Variants in MDGA2 observed in about 807,000 individuals in gnomAD.
The protein encoded by MDGA2 is MAM domain containing glycosylphosphatidylinositol anchor 2.
A neutral mutation model predicts 117.8 loss-of-function variants in MDGA2; 40 were observed. The observed-to-expected ratio is 0.34, with a 90% confidence interval of 0.26 to 0.44. MDGA2 has a LOEUF of 0.44. MDGA2 is among the 20% of genes least tolerant of loss of function. The pLI is 1.00. For synonymous variants in MDGA2, 452 were observed against 439.0 expected (o/e 1.03, Z -0.37); for missense variants, 1,123 against 1,250.6 (o/e 0.90, Z 1.54).
intron 9 of MDGA2, among the ~76,000 whole-genome samples, chr14:46,950,084 CATT>C (rs1236270163): frequency 2.0e-5 from 3 of 151,658 alleles, no homozygotes; most frequent in African/African-American, 4.8e-5. Context: ...ATAAATTCCT[CATT>C]ATATGTTTAC....
chr14:47,460,878 A>G (rs980665760), intron 1 of MDGA2, among the ~76,000 whole-genome samples: 3 of 152,206 alleles, frequency 2.0e-5, no homozygotes, highest in African/African-American at 7.2e-5. Context: ...CAAGCCTGAG[A>G]GCATATATTA....
intron 2 of MDGA2, among the ~76,000 whole-genome samples, chr14:47,235,893 G>A (rs907336042): frequency 3.2e-4 from 49 of 152,228 alleles, no homozygotes; most frequent in African/African-American, 1.0e-3. Context: ...GGCTGCTCAG[G>A]AAGCCATATC....
At chr14:47,313,259 A>C (rs566964658) in intron 1 of MDGA2, among the ~76,000 whole-genome samples, 1 of 151,574 alleles carries the variant, frequency 6.6e-6, no homozygotes, top group African/African-American at 2.4e-5. Flanking sequence ...GCCTTTCAAA[A>C]TGTACTTTCT....
intron 4 of MDGA2, among the ~76,000 whole-genome samples, chr14:47,135,327 T>C (rs1219799946): frequency 6.6e-6 from 1 of 152,126 alleles, no homozygotes; most frequent in Non-Finnish European, 1.5e-5. Context: ...TGATCCATTA[T>C]CATGGTTCCA....
At chr14:47,141,853 C>G (rs1882733515) in intron 4 of MDGA2, among the ~76,000 whole-genome samples, 1 of 152,040 alleles carries the variant, frequency 6.6e-6, no homozygotes, top group Non-Finnish European at 1.5e-5. Context: ...TTCAATACAG[C>G]TAGACGAGAA....
At chr14:47,287,456 C>T (rs76657900) in intron 2 of MDGA2, among the ~76,000 whole-genome samples, 4,382 of 152,000 alleles carry the variant, frequency 0.029, 151 homozygotes, top group East Asian at 0.18. Context: ...TTATGGTGTA[C>T]AATGTGATGT....
In MDGA2 at chr14:47,211,772, A is replaced by G. The variant is rs536792427; in HGVS notation, c.595+6249T>C. ...TTCAAAACCCATCCTTAAAATTGCA[A>G]TGTAAATCCTACTTCTTTCATAAGA... On this transcript the variant is annotated intron_variant, in intron 3 of 16. Coordinates refer to ENST00000399232, the MANE Select transcript of MDGA2 (RefSeq NM_001113498.3). Among the ~76,000 whole-genome samples, 4 of 152,312 alleles carry G rather than the reference A, an allele frequency of 2.6e-5. No homozygotes were observed. The South Asian group carries it at 6.2e-4, about 24-fold the overall frequency.
rs908341576 is a variant in MDGA2 at position 47,061,852 on chromosome 14, CTA to C, written c.1196-276_1196-275del. On this transcript the variant is annotated intron_variant, in intron 6 of 16. Transcript: ENST00000399232. ...TGATATCAAAAGTAATGCCTTAAGT[CTA>C]TGTGCAATTATACTTAAATATTGAC... 1.4e-4 allele frequency among the ~76,000 whole-genome samples: 22 copies of C among 152,028 alleles called. No individual in the cohort carries two copies. In the South Asian group the frequency reaches 4.2e-3, roughly 29 times the overall value.
At chr14:46,929,599 GTGTATATATATATATATATA>G (rs1456293069) in intron 9 of MDGA2, among the ~76,000 whole-genome samples, 11 of 15,256 alleles carry the variant, frequency 7.2e-4, no homozygotes, top group Admixed American at 3.5e-3. Context: ...GTGTGTGTGT[GTGTATATATATATATATATA>G]TATATATATA....
At chr14:47,672,954 C>T (rs1461092051) in intron 1 of MDGA2, among the ~76,000 whole-genome samples, 1 of 152,176 alleles carries the variant, frequency 6.6e-6, no homozygotes, top group Non-Finnish European at 1.5e-5. Flanking sequence ...CTCATACACA[C>T]GTCCCCCCAT....
chr14:46,979,242 TTG>T (rs1886578824), intron 8 of MDGA2, among the ~76,000 whole-genome samples: 1 of 152,074 alleles, frequency 6.6e-6, no homozygotes. Context: ...TTAATATGTG[TTG>T]TGTGTGTTCT....
At chr14:47,122,622 C>T (rs909777914) in intron 5 of MDGA2, among the ~76,000 whole-genome samples, 3 of 151,994 alleles carry the variant, frequency 2.0e-5, no homozygotes, top group Non-Finnish European at 2.9e-5. Context: ...CCTATAAAAG[C>T]AAATTGTCAG....
intron 6 of MDGA2, among the ~76,000 whole-genome samples, chr14:47,071,784 C>T (rs377169353): frequency 6.6e-6 from 1 of 152,196 alleles, no homozygotes; most frequent in Non-Finnish European, 1.5e-5. Flanking sequence ...AATTACTATT[C>T]CTGTTTCAGA....
At chr14:47,319,542 A>C (rs1261267562) in intron 1 of MDGA2, among the ~76,000 whole-genome samples, 1 of 152,184 alleles carries the variant, frequency 6.6e-6, no homozygotes, top group African/African-American at 2.4e-5. Context: ...AGAAGGTGCC[A>C]AGGGTATTTA....
intron 3 of MDGA2, among the ~76,000 whole-genome samples, chr14:47,151,158 A>G (rs1253813682): frequency 6.6e-6 from 1 of 152,146 alleles, no homozygotes. Context: ...GTAGTGTTTT[A>G]AAAAAAGAGG....
chr14:47,548,241 A>G (rs1895502994), intron 1 of MDGA2, among the ~76,000 whole-genome samples: 1 of 152,122 alleles, frequency 6.6e-6, no homozygotes, highest in Admixed American at 6.6e-5. Flanking sequence ...AAAATAACTA[A>G]CTTGAAGTCT....
Position 47,315,172 on chromosome 14 carries a change from C to A in MDGA2, c.281-13622G>T, listed in dbSNP as rs187983420. ...AAGCTCTATCTCCCTGACTATAATA[C>A]TTTTTCTACTTCTACTTTACAGTTA... On this transcript the variant is annotated intron_variant, in intron 1 of 16. Transcript: ENST00000399232. Among the ~76,000 whole-genome samples, 5 of 152,198 alleles carry A rather than the reference C, an allele frequency of 3.3e-5. No individual in the cohort carries two copies. The East Asian group carries it at 9.7e-4, about 30-fold the overall frequency.
At chr14:47,199,355 T>G (rs1040705672) in intron 3 of MDGA2, among the ~76,000 whole-genome samples, 2 of 152,186 alleles carry the variant, frequency 1.3e-5, no homozygotes, top group Admixed American at 1.3e-4. Flanking sequence ...AAACACTTTC[T>G]TTAATTCAAC....
chr14:46,919,887 T>C, intron 10 of MDGA2, 125 bp downstream of exon 10: 5 of 756,986 alleles, frequency 6.6e-6, no homozygotes, highest in Non-Finnish European at 9.9e-6. Context: ...TCTGTCTATC[T>C]ATATACAGAA....
Sources: allele counts gnomAD v4.1 joint callset (sites outside exome capture counted in the v4.1 genomes callset), GRCh38; gene constraint gnomAD v4.1.1; transcripts MANE v1.5; gene names NCBI Gene and HGNC (gene_info 2026-07-23, HGNC 2026-07-21).